CSMD1: variants seen among roughly 807,000 people sequenced by gnomAD.
The protein encoded by CSMD1 is CUB and sushi domain-containing protein 1.
A neutral mutation model predicts 417.5 loss-of-function variants in CSMD1; 213 were observed. That is an observed-to-expected ratio of 0.51 (90% CI 0.46 to 0.57). The LOEUF (loss-of-function observed/expected upper bound fraction) is 0.57, where lower values mean the gene tolerates loss of function less well. CSMD1 is among the 20% of genes least tolerant of loss of function. The pLI, the probability that CSMD1 is intolerant of heterozygous loss-of-function variation, is 0.00. For missense variants in CSMD1, 6,923 were observed against 4,529.7 expected (o/e 1.53, Z -15.17); for synonymous variants, 2,862 against 1,736.8 (o/e 1.65, Z -16.11).
chr8:4,442,935 T>A (rs1387311717), intron 2 of CSMD1, among the ~76,000 whole-genome samples: 2 of 152,152 alleles, frequency 1.3e-5, no homozygotes, highest in Non-Finnish European at 1.5e-5. Context: ...TATTTGTCCC[T>A]CAACGTAATG....
At chr8:3,733,205 A>ACT (rs1388960983) in intron 6 of CSMD1, among the ~76,000 whole-genome samples, 46 of 87,094 alleles carry the variant, frequency 5.3e-4, no homozygotes, top group African/African-American at 2.5e-3. Flanking sequence ...ACACACACAC[A>ACT]CTCTCTCTCT....
intron 4 of CSMD1, among the ~76,000 whole-genome samples, chr8:4,016,279 G>A (rs1242048313): frequency 6.6e-6 from 1 of 152,072 alleles, no homozygotes; most frequent in Admixed American, 6.6e-5. Context: ...TACCTAAAAA[G>A]ATTCCAGTAG....
At chr8:3,064,516 A>C (rs1812792492) in intron 49 of CSMD1, among the ~76,000 whole-genome samples, 1 of 152,172 alleles carries the variant, frequency 6.6e-6, no homozygotes, top group Non-Finnish European at 1.5e-5. Context: ...TCTTTTCTTC[A>C]TAAATTACCC....
intron 3 of CSMD1, among the ~76,000 whole-genome samples, chr8:4,400,674 G>A (rs990882951): frequency 3.3e-5 from 5 of 151,144 alleles, no homozygotes; most frequent in East Asian, 3.9e-4. Context: ...ATTTTAGGCC[G>A]TTCAGGCTAA....
At chr8:4,731,799 G>C (rs953958540) in intron 1 of CSMD1, among the ~76,000 whole-genome samples, 1 of 152,074 alleles carries the variant, frequency 6.6e-6, no homozygotes, top group Non-Finnish European at 1.5e-5. Flanking sequence ...ATTTATTTAG[G>C]GTTGGGCGAA....
At position 3,670,682 on chromosome 8, in the gene CSMD1, T is replaced by C. The variant is rs1170030348; in HGVS notation, c.1009+37732A>G. On this transcript the variant is annotated intron_variant, in intron 7 of 69. Coordinates refer to ENST00000635120, the MANE Select transcript of CSMD1 (RefSeq NM_033225.6). ...TGGGATATATGTACATGGTTATATA[T>C]GTATGGGATATATGTATATGGGATA... 2.7e-5 allele frequency among the ~76,000 whole-genome samples: 4 copies of C among 146,374 alleles called. 1 individual carries two copies. Among genetic ancestry groups the C allele is most frequent in the African/African-American group, 1.0e-4 (4 of 38,286 alleles).
At chr8:3,387,426 A>G in intron 18 of CSMD1, 68 bp downstream of exon 18, 2 of 1,343,994 alleles carry the variant, frequency 1.5e-6, no homozygotes, top group South Asian at 2.8e-5. Context: ...CACACCACCC[A>G]GCTAGTTAGA....
intron 25 of CSMD1, among the ~76,000 whole-genome samples, chr8:3,298,118 C>G (rs974670042): frequency 1.3e-5 from 2 of 152,148 alleles, no homozygotes; most frequent in Admixed American, 6.5e-5. Context: ...TCCTGAAATT[C>G]TCTCATATAC....
At chr8:4,659,234 G>A (rs1804430821) in intron 1 of CSMD1, among the ~76,000 whole-genome samples, 1 of 150,830 alleles carries the variant, frequency 6.6e-6, no homozygotes, top group Non-Finnish European at 1.5e-5. Flanking sequence ...CAGAGGAAAT[G>A]CATAGCTGCA....
At chr8:4,733,960 G>C (rs1485949344) in intron 1 of CSMD1, among the ~76,000 whole-genome samples, 5 of 152,300 alleles carry the variant, frequency 3.3e-5, no homozygotes, top group African/African-American at 1.2e-4. Context: ...TATGAAGTTA[G>C]AATTATGCCC....
intron 3 of CSMD1, among the ~76,000 whole-genome samples, chr8:4,198,204 T>C (rs1382669217): frequency 3.9e-5 from 6 of 152,228 alleles, no homozygotes; most frequent in African/African-American, 1.2e-4. Context: ...GAGTCCAAGG[T>C]AGCAAATACA....
At chr8:4,002,528 C>G (rs964153662) in intron 4 of CSMD1, among the ~76,000 whole-genome samples, 1 of 152,296 alleles carries the variant, frequency 6.6e-6, no homozygotes, top group Admixed American at 6.5e-5. Flanking sequence ...AAACAGTTTT[C>G]AAAGCCCATT....
At chr8:4,211,731 T>G (rs77713827) in intron 3 of CSMD1, among the ~76,000 whole-genome samples, 2 of 151,788 alleles carry the variant, frequency 1.3e-5, no homozygotes, top group Admixed American at 6.6e-5. Flanking sequence ...AAGTGGGGAG[T>G]TGACAAAGAG....
rs186056836 is a variant in CSMD1, at chr8:4,918,176, C to G, written c.85+76156G>C. Among the ~76,000 whole-genome samples, 610 of 152,276 alleles carry G rather than the reference C, an allele frequency of 4.0e-3. 2 individuals are homozygous for G. The highest frequency in any genetic ancestry group is 0.014 in the African/African-American group (578 of 41,532). ...TGGAATCCCGTGTTGGTGTTGGTGA[C>G]TCCTGAGTTGAAATCATTACGAAGG... On this transcript the variant is annotated intron_variant, in intron 1 of 69. Coordinates refer to ENST00000635120, the MANE Select transcript of CSMD1 (RefSeq NM_033225.6).
chr8:3,354,798 ACT>A (rs760507934), intron 21 of CSMD1, among the ~76,000 whole-genome samples: 4,442 of 91,722 alleles, frequency 0.048, 214 homozygotes, highest in South Asian at 0.21. Context: ...ATATCACTAA[ACT>A]CTCTCTCTCT....
At chr8:4,446,733 CTGTGTG>C (rs758084825) in intron 2 of CSMD1, among the ~76,000 whole-genome samples, 40 of 134,118 alleles carry the variant, frequency 3.0e-4, no homozygotes, top group Admixed American at 9.0e-4. Context: ...GTGTGTGTGT[CTGTGTG>C]TGTGTGTGTG....
intron 7 of CSMD1, among the ~76,000 whole-genome samples, chr8:3,705,172 G>C (rs974618920): frequency 3.3e-5 from 5 of 152,204 alleles, no homozygotes; most frequent in Admixed American, 2.6e-4. Context: ...GCAGGGGAAG[G>C]AGTCGCCACT....
At chr8:3,935,587 T>A (rs1363046277) in intron 5 of CSMD1, among the ~76,000 whole-genome samples, 1 of 152,174 alleles carries the variant, frequency 6.6e-6, no homozygotes, top group Non-Finnish European at 1.5e-5. Flanking sequence ...TGATCTGTCA[T>A]CAGTAATTTT....
At chr8:4,174,504 T>A (rs1352857430) in intron 3 of CSMD1, among the ~76,000 whole-genome samples, 1 of 151,336 alleles carries the variant, frequency 6.6e-6, no homozygotes, top group Non-Finnish European at 1.5e-5. Flanking sequence ...AAACTATGGG[T>A]ATATATAATA....
Sources: gnomAD v4.1 joint callset for allele counts (sites outside exome capture counted in the v4.1 genomes callset) on GRCh38, gnomAD v4.1.1 for gene constraint, MANE v1.5 for transcripts, NCBI Gene and HGNC (gene_info 2026-07-23, HGNC 2026-07-21) for gene names.